The following STK32B variants were observed in gnomAD, a reference collection of about 807,000 sequenced individuals.
The protein encoded by STK32B is serine/threonine-protein kinase 32B.
STK32B carries 43 observed loss-of-function variants against 52.6 expected under a neutral mutation model. That is an observed-to-expected ratio of 0.82 (90% CI 0.64 to 1.05). The LOEUF (loss-of-function observed/expected upper bound fraction) is 1.05, where lower values mean the gene tolerates loss of function less well. Among genes scored for constraint, STK32B ranks in the 50% least tolerant of loss-of-function variants. STK32B has a pLI of 0.00. For synonymous variants in STK32B, 238 were observed against 204.3 expected (o/e 1.17, Z -1.41); for missense variants, 621 against 534.6 (o/e 1.16, Z -1.59).
At chr4:5,247,830 T>C (rs537706695) in intron 3 of STK32B, among the ~76,000 whole-genome samples, 1 of 152,304 alleles carries the variant, frequency 6.6e-6, no homozygotes, top group Non-Finnish European at 1.5e-5. Context: ...CTTTTTCCCA[T>C]ACTGCCCTAT....
At chr4:5,421,176 A>C (rs1344976488) in intron 6 of STK32B, among the ~76,000 whole-genome samples, 1 of 138,502 alleles carries the variant, frequency 7.2e-6, no homozygotes, top group South Asian at 2.3e-4. Context: ...TGCAAACTCC[A>C]CCTCCTGGGT....
the STK32B span, among the ~76,000 whole-genome samples, chr4:5,044,009 A>C: frequency 6.6e-6 from 1 of 152,180 alleles, no homozygotes; most frequent in African/African-American, 2.4e-5. Flanking sequence ...CTTCATGGCC[A>C]ATAACAAACA....
rs1718179800 is a variant in STK32B at position 5,159,562 on chromosome 4, AATGAATATATATGAAT to A, written c.109-8734_109-8719del. On this transcript the variant is annotated intron_variant, in intron 2 of 11. Coordinates refer to ENST00000282908, the MANE Select transcript of STK32B (RefSeq NM_018401.3). ...ATATGTATATATATGAATATATATG[AATGAATATATATGAAT>A]ATATATATGAATATATATGAATATA... Among the ~76,000 whole-genome samples, 91 of 51,596 alleles carry A rather than the reference AATGAATATATATGAAT, an allele frequency of 1.8e-3. 5 individuals are homozygous for A. Among genetic ancestry groups the A allele is most frequent in the Non-Finnish European group, 8.2e-4 (24 of 29,438 alleles). 33.8% of individuals were successfully genotyped at this position (51,596 alleles called of 152,430 possible). A position where few individuals can be genotyped will look rare whatever the true frequency, so the allele number is the denominator to read the frequency against.
chr4:5,188,094 G>A (rs1720885838), intron 3 of STK32B, among the ~76,000 whole-genome samples: 1 of 152,176 alleles, frequency 6.6e-6, no homozygotes, highest in African/African-American at 2.4e-5. Context: ...CTGTGGAAAA[G>A]ATAATTTGCT....
intron 5 of STK32B, among the ~76,000 whole-genome samples, chr4:5,408,422 T>C (rs1226283741): frequency 1.3e-5 from 2 of 152,114 alleles, no homozygotes; most frequent in Non-Finnish European, 2.9e-5. Flanking sequence ...CCCTTCGCCT[T>C]TCACCATGAT....
intron 1 of STK32B, among the ~76,000 whole-genome samples, chr4:5,114,877 T>A (rs1392511427): frequency 6.6e-6 from 1 of 152,078 alleles, no homozygotes; most frequent in Non-Finnish European, 1.5e-5. Flanking sequence ...TTGGAGCCTG[T>A]CCTTTGTTCC....
chr4:5,283,162 C>G (rs981461112), intron 3 of STK32B, among the ~76,000 whole-genome samples: 6 of 152,064 alleles, frequency 3.9e-5, no homozygotes, highest in African/African-American at 1.2e-4. Context: ...TAAGTGAGAT[C>G]GTGTGGTATT....
chr4:5,257,409 AAGTGAGTGAATG>A (rs1436432983), intron 3 of STK32B, among the ~76,000 whole-genome samples: 1 of 151,940 alleles, frequency 6.6e-6, no homozygotes, highest in African/African-American at 2.4e-5. Flanking sequence ...GTGAATGATT[AAGTGAGTGAATG>A]AGTGAGTGAT....
intron 3 of STK32B, among the ~76,000 whole-genome samples, chr4:5,168,657 A>C (rs555813536): frequency 4.1e-4 from 62 of 152,326 alleles, no homozygotes; most frequent in African/African-American, 1.4e-3. Flanking sequence ...CTGTCCTCTT[A>C]TCTGATGAAT....
rs924636028 is a variant in STK32B at position 5,380,842 on chromosome 4, TAAAG to T, written c.435-17361_435-17358del. On this transcript the variant is annotated intron_variant, in intron 4 of 11. Coordinates refer to ENST00000282908, the MANE Select transcript of STK32B (RefSeq NM_018401.3). The surrounding 1 kb of genome is among the most constrained non-coding windows in gnomAD (Gnocchi z 4.3). ...TAGAGCTTAGATCTTCATGGTGTGG[TAAAG>T]AAATTGAGACTCAGAGGAGGGAAGG... 3.3e-5 allele frequency among the ~76,000 whole-genome samples: 5 copies of T among 152,114 alleles called. No homozygotes were observed. Among genetic ancestry groups the T allele is most frequent in the African/African-American group, 1.2e-4 (5 of 41,414 alleles).
intron 1 of STK32B, among the ~76,000 whole-genome samples, chr4:5,061,454 G>C (rs1342243230): frequency 6.6e-6 from 1 of 152,084 alleles, no homozygotes. Context: ...GTAACCCTGT[G>C]GGTCTATTTC....
At chr4:5,170,522 A>G (rs1433666871) in intron 3 of STK32B, among the ~76,000 whole-genome samples, 2 of 149,990 alleles carry the variant, frequency 1.3e-5, no homozygotes, top group Non-Finnish European at 3.0e-5. Context: ...ATGTGTTCTC[A>G]TTGTTCAATA....
chr4:5,315,581 C>G (rs145879304), intron 3 of STK32B, among the ~76,000 whole-genome samples: 425 of 151,754 alleles, frequency 2.8e-3, no homozygotes, highest in African/African-American at 8.9e-3. Context: ...TAAGGAGTAT[C>G]TCAACATCAA....
At chr4:5,228,450 C>A (rs182863414) in intron 3 of STK32B, among the ~76,000 whole-genome samples, 6 of 152,320 alleles carry the variant, frequency 3.9e-5, no homozygotes, top group Admixed American at 3.9e-4. Context: ...GCTTCGTCAG[C>A]CAGTGCAATG....
At chr4:5,442,657 C>G (rs1231291744) in intron 6 of STK32B, among the ~76,000 whole-genome samples, 1 of 151,960 alleles carries the variant, frequency 6.6e-6, no homozygotes, top group Non-Finnish European at 1.5e-5. Context: ...ATGATGTTAG[C>G]TGGTTATTTT....
chr4:5,122,425 T>G (rs1715100250), intron 1 of STK32B, among the ~76,000 whole-genome samples: 1 of 147,934 alleles, frequency 6.8e-6, no homozygotes, highest in Non-Finnish European at 1.5e-5. Flanking sequence ...CATTCACTCA[T>G]TAACCTACTT....
intron 3 of STK32B, among the ~76,000 whole-genome samples, chr4:5,324,402 G>T (rs1261336814): frequency 6.6e-6 from 1 of 152,126 alleles, no homozygotes; most frequent in Non-Finnish European, 1.5e-5. Flanking sequence ...GTCTGGCACA[G>T]AATTTGCACC....
chr4:5,313,157 C>A (rs59584266), intron 3 of STK32B, among the ~76,000 whole-genome samples: 15,037 of 150,624 alleles, frequency 0.1, 2,362 homozygotes, highest in African/African-American at 0.34. Flanking sequence ...CAAGTAGAAT[C>A]CACCAGTGTA....
chr4:5,159,450 C>CTA (rs149683714), intron 2 of STK32B, among the ~76,000 whole-genome samples: 27,002 of 141,262 alleles, frequency 0.19, 3,048 homozygotes, highest in Non-Finnish European at 0.25. Flanking sequence ...TGGGGTGTAA[C>CTA]TATATATATA....
Sources: allele counts gnomAD v4.1 joint callset (sites outside exome capture counted in the v4.1 genomes callset), GRCh38; gene constraint gnomAD v4.1.1; non-coding constraint Gnocchi (gnomAD v3.1); transcripts MANE v1.5; gene names NCBI Gene and HGNC (gene_info 2026-07-23, HGNC 2026-07-21).